The following TMEM9B variants were observed in gnomAD, a reference collection of about 807,000 sequenced individuals.
TMEM9B encodes the protein transmembrane protein 9B.
A neutral mutation model predicts 23.5 loss-of-function variants in TMEM9B; 8 were observed. The ratio of observed to expected loss-of-function variants is 0.34; its 90% CI spans 0.20 to 0.61. The LOEUF is 0.61. Among genes scored for constraint, TMEM9B ranks in the 20% least tolerant of loss-of-function variants. The probability of loss-of-function intolerance (pLI) is 0.78; values close to 1 mark genes in which losing one functional copy is unlikely to be tolerated. For synonymous variants in TMEM9B, 106 were observed against 96.3 expected (o/e 1.10, Z -0.59); for missense variants, 197 against 252.3 (o/e 0.78, Z 1.49).
chr11:8,959,600 G>T (rs1234044240), intron 2 of TMEM9B, among the ~76,000 whole-genome samples: 3 of 152,314 alleles, frequency 2.0e-5, no homozygotes, highest in Middle Eastern at 3.4e-3. Context: ...TTCTTTTGAA[G>T]GATATATTTT....
upstream of TMEM9B, chr11:8,964,709 C>A: frequency 5.3e-6 from 1 of 188,558 alleles, no homozygotes; most frequent in Non-Finnish European, 1.1e-5. Flanking sequence ...ACGGAGACCC[C>A]AGCAAACTCC....
chr11:8,948,530 G>A, intron 4 of TMEM9B, 55 bp from the exon 5 acceptor site: 1 of 1,574,554 alleles, frequency 6.4e-7, no homozygotes, highest in Non-Finnish European at 8.6e-7. Flanking sequence ...GTAAAACATA[G>A]ACACACAACA....
intron 2 of TMEM9B, 124 bp from the exon 3 acceptor site, chr11:8,956,422 T>A: frequency 1.5e-6 from 1 of 662,728 alleles, no homozygotes; most frequent in Non-Finnish European, 2.5e-6. Context: ...AAAAAACAAA[T>A]AATCAATAAG....
chr11:8,964,310 C>T lies in TMEM9B; in HGVS notation c.4G>A (p.Ala2Thr), dbSNP rs1298932910. M[A>T]TLWGGLLRLG... ...CGAAGAAGGCCTCCCCACAGGGTCG[C>T]CATCGCTGGGGGCCCAGCGGTCCCA... Residue 2 changes from alanine to threonine, a missense_variant, in exon 1 of 5, where the codon GCG becomes ACG. This residue lies in a region of TMEM9B where 56 missense variants were observed against 38.2 expected (regional missense o/e 1.46). Coordinates refer to ENST00000534025, the MANE Select transcript of TMEM9B (RefSeq NM_020644.3). 2 of 1,572,390 alleles carry T rather than the reference C, an allele frequency of 1.3e-6. No individual in the cohort carries two copies. Among genetic ancestry groups the T allele is most frequent in the Non-Finnish European group, 8.6e-7 (1 of 1,159,860 alleles).
chr11:8,956,354 T>C, intron 2 of TMEM9B, 56 bp from the exon 3 acceptor site: 1 of 1,427,404 alleles, frequency 7.0e-7, no homozygotes, highest in South Asian at 1.2e-5. Context: ...CTGCTTGCTC[T>C]GACCAAAAGT....
At position 8,957,897 on chromosome 11, in the gene TMEM9B, C is replaced by T. The variant is rs1854002122; in HGVS notation, c.198-1599G>A. On this transcript the variant is annotated intron_variant, in intron 2 of 4. Transcript: ENST00000534025. The surrounding 1 kb of genome is among the most constrained non-coding windows in gnomAD (Gnocchi z 4.3). The stretch of plus-strand genomic sequence containing the variant: ...TTCAGCCGGGCGCAGTGGCTCATGC[C>T]TGTAATCCCAGCACTTTGGGAGGCC... Among the ~76,000 whole-genome samples, 1 of 152,214 alleles carries T rather than the reference C, an allele frequency of 6.6e-6. No homozygotes were observed.
chr11:8,951,634 T>C (rs142709044), intron 4 of TMEM9B, among the ~76,000 whole-genome samples: 4,871 of 151,018 alleles, frequency 0.032, 247 homozygotes, highest in African/African-American at 0.11. Flanking sequence ...GGCGGGCGCC[T>C]GTAGTTCCAG....
At chr11:8,962,243 A>G in intron 1 of TMEM9B, 60 bp from the exon 2 acceptor site, 1 of 1,113,156 alleles carries the variant, frequency 9.0e-7, no homozygotes, top group South Asian at 1.5e-5. Flanking sequence ...ATTTTTAAAA[A>G]CTGTACCATA....
chr11:8,952,249 T>TACACACACACACACACAC (rs142506777), intron 4 of TMEM9B, among the ~76,000 whole-genome samples: 31 of 122,688 alleles, frequency 2.5e-4, no homozygotes, highest in East Asian at 2.2e-3. Context: ...GCCAACTATA[T>TACACACACACACACACAC]ACACACACAC....
chr11:8,958,972 C>G (rs1854025479), intron 2 of TMEM9B, among the ~76,000 whole-genome samples: 1 of 152,212 alleles, frequency 6.6e-6, no homozygotes, highest in Non-Finnish European at 1.5e-5. Context: ...CCACAACTCT[C>G]ACCATAAAAG....
At chr11:8,953,373 C>A (rs749783311) in intron 3 of TMEM9B, 36 bp from the exon 4 acceptor site, 2 of 1,605,954 alleles carry the variant, frequency 1.2e-6, no homozygotes, top group South Asian at 1.1e-5. Context: ...CATCTTTGTT[C>A]AAGCCCATAA....
intron 1 of TMEM9B, 175 bp downstream of exon 1, chr11:8,964,034 T>G (rs1589950194): frequency 8.4e-6 from 5 of 597,306 alleles, no homozygotes; most frequent in Admixed American, 4.0e-5. Context: ...AGGGCGAGAG[T>G]GCCGCCGGGC....
At chr11:8,952,560 A>G (rs1853905408) in intron 4 of TMEM9B, 1 of 154,528 alleles carries the variant, frequency 6.5e-6, no homozygotes, top group Non-Finnish European at 1.4e-5. Context: ...ACAGGCATGC[A>G]CCACCACACC....
intron 4 of TMEM9B, among the ~76,000 whole-genome samples, chr11:8,952,266 A>G (rs1212486673): frequency 1.3e-5 from 1 of 77,160 alleles, no homozygotes; most frequent in Non-Finnish European, 3.5e-5. Flanking sequence ...ACACACACAC[A>G]CACACACACA....
intron 2 of TMEM9B, among the ~76,000 whole-genome samples, chr11:8,959,620 A>T (rs1337459023): frequency 6.6e-6 from 1 of 152,214 alleles, no homozygotes; most frequent in African/African-American, 2.4e-5. Flanking sequence ...TAATAACAAA[A>T]AGATACTTGA....
chr11:8,956,149 A>G (rs758317179), intron 3 of TMEM9B, 41 bp downstream of exon 3: 1 of 1,565,332 alleles, frequency 6.4e-7, no homozygotes, highest in Non-Finnish European at 8.7e-7. Context: ...AAAGACGTAG[A>G]CAGACAGACA....
Position 8,957,612 on chromosome 11 carries a change from C to G in TMEM9B, c.198-1314G>C, listed in dbSNP as rs763857182. ...CCTTCTCTTTCCCCACCAAAATGTACTTTTTGGAAACAAAGTTACAGCTTG... is the reference window on the plus strand; with the variant it reads ...CCTTCTCTTTCCCCACCAAAATGTAGTTTTTGGAAACAAAGTTACAGCTTG... On this transcript the variant is annotated intron_variant, in intron 2 of 4. Coordinates refer to ENST00000534025, the MANE Select transcript of TMEM9B (RefSeq NM_020644.3). This position sits in a 1 kb window ranked among gnomAD's most constrained non-coding sequence, Gnocchi z 4.3. Among the ~76,000 whole-genome samples the G allele has an allele frequency of 6.6e-6, 1 of 152,192 alleles. No individual in the cohort carries two copies. Among genetic ancestry groups the G allele is most frequent in the African/African-American group, 2.4e-5 (1 of 41,436 alleles).
chr11:8,950,282 A>G (rs2060157), intron 4 of TMEM9B, among the ~76,000 whole-genome samples: 29,754 of 152,162 alleles, frequency 0.2, 3,825 homozygotes, highest in Middle Eastern at 0.35. Context: ...ATATTGTCTC[A>G]AAACAGATTT....
At chr11:8,962,863 A>T (rs1854106322) in intron 1 of TMEM9B, 1 of 152,284 alleles carries the variant, frequency 6.6e-6, no homozygotes, top group Non-Finnish European at 1.5e-5. Flanking sequence ...CTGGATAGAG[A>T]AAAGAAGAGA....
Sources: allele counts gnomAD v4.1 joint callset (sites outside exome capture counted in the v4.1 genomes callset), GRCh38; gene constraint gnomAD v4.1.1; regional missense constraint gnomAD v4.1.1; non-coding constraint Gnocchi (gnomAD v3.1); transcripts MANE v1.5; gene names NCBI Gene and HGNC (gene_info 2026-07-23, HGNC 2026-07-21).